DUSP29: variants seen among roughly 807,000 people sequenced by gnomAD.
The protein encoded by DUSP29 is dual specificity phosphatase 29, also known as atypical dual-specific protein phosphatase.
Under a neutral mutation model 13.5 loss-of-function variants are expected in DUSP29, and 12 were observed. That is an observed-to-expected ratio of 0.89 (90% CI 0.57 to 1.44). DUSP29 has a LOEUF of 1.44. Ranked by LOEUF, DUSP29 falls within the 40% of genes most tolerant of loss-of-function variation. DUSP29 has a pLI of 0.00. For missense variants in DUSP29, 308 were observed against 301.1 expected (o/e 1.02, Z -0.17); for synonymous variants, 134 against 128.7 (o/e 1.04, Z -0.28).
At position 75,037,830 on chromosome 10, in the gene DUSP29, T is replaced by C; in HGVS notation, c.*6A>G. On this transcript the variant is annotated 3_prime_UTR_variant, in exon 4 of 4. Coordinates refer to ENST00000338487, the MANE Select transcript of DUSP29 (RefSeq NM_001003892.3). Reference sequence around the variant, plus strand: ...CAAGTGCCTCTGCTGGCCCTGTGAGTCGGGCCTACAGCTCCCTGCCATCCT... The same window carrying C: ...CAAGTGCCTCTGCTGGCCCTGTGAGCCGGGCCTACAGCTCCCTGCCATCCT... 1 of 1,596,376 alleles carries C rather than the reference T, an allele frequency of 6.3e-7. No individual in the cohort carries two copies. The highest frequency in any genetic ancestry group is 1.1e-5 in the South Asian group (1 of 90,398).
intron 2 of DUSP29, among the ~76,000 whole-genome samples, chr10:75,055,801 A>T (rs998691239): frequency 6.6e-6 from 1 of 152,156 alleles, no homozygotes; most frequent in African/African-American, 2.4e-5. Flanking sequence ...GTTTCTGTAC[A>T]CCCCTCTCCT....
intron 1 of DUSP29, among the ~76,000 whole-genome samples, chr10:75,069,267 G>T (rs2134308488): frequency 6.6e-6 from 1 of 152,336 alleles, no homozygotes; most frequent in African/African-American, 2.4e-5. Context: ...TCTCAGACAA[G>T]GGAGCCGGCC....
At chr10:75,062,097 T>C (rs1847100637) in intron 1 of DUSP29, among the ~76,000 whole-genome samples, 1 of 151,814 alleles carries the variant, frequency 6.6e-6, no homozygotes, top group Non-Finnish European at 1.5e-5. Context: ...TTTTAAGGAG[T>C]GGCCAGAAAT....
chr10:75,056,310 C>T (rs1387956245), intron 2 of DUSP29, among the ~76,000 whole-genome samples: 1 of 151,826 alleles, frequency 6.6e-6, no homozygotes, highest in African/African-American at 2.4e-5. Flanking sequence ...GGTGGATCAC[C>T]TGAGTTCAGG....
At chr10:75,067,358 A>G (rs1204235288) in intron 1 of DUSP29, among the ~76,000 whole-genome samples, 1 of 152,146 alleles carries the variant, frequency 6.6e-6, no homozygotes, top group African/African-American at 2.4e-5. Context: ...TCCACCTCGG[A>G]GTAGGGGGGA....
At chr10:75,065,350 G>A (rs1847173750) in intron 1 of DUSP29, among the ~76,000 whole-genome samples, 1 of 151,954 alleles carries the variant, frequency 6.6e-6, no homozygotes, top group African/African-American at 2.4e-5. Flanking sequence ...CATGTGTCAG[G>A]AAAGAAGGCT....
At chr10:75,061,505 G>A (rs979512156) in intron 1 of DUSP29, among the ~76,000 whole-genome samples, 9 of 152,142 alleles carry the variant, frequency 5.9e-5, no homozygotes, top group South Asian at 2.1e-4. Context: ...ACAGATATCC[G>A]GGCTGCACCC....
intron 2 of DUSP29, among the ~76,000 whole-genome samples, chr10:75,051,369 A>T (rs1220745370): frequency 6.6e-6 from 1 of 152,208 alleles, no homozygotes; most frequent in Non-Finnish European, 1.5e-5. Context: ...AACGCATAGA[A>T]TCCACATAGG....
chr10:75,057,581 A>C (rs1230127718), intron 2 of DUSP29, among the ~76,000 whole-genome samples: 3 of 152,212 alleles, frequency 2.0e-5, no homozygotes, highest in Non-Finnish European at 4.4e-5. Flanking sequence ...GAGATCATGC[A>C]TGCAGGATGC....
At chr10:75,071,621 G>A (rs1030529984) in intron 1 of DUSP29, among the ~76,000 whole-genome samples, 2 of 152,186 alleles carry the variant, frequency 1.3e-5, no homozygotes, top group African/African-American at 2.4e-5. Context: ...CACCCTCAGC[G>A]CAGATCTGCC....
intron 2 of DUSP29, among the ~76,000 whole-genome samples, chr10:75,047,147 G>A (rs1410529332): frequency 6.6e-6 from 1 of 152,174 alleles, no homozygotes; most frequent in Non-Finnish European, 1.5e-5. Flanking sequence ...GGGTATTTGA[G>A]GCCCACCACA....
At chr10:75,040,305 T>C (rs1323687186) in intron 3 of DUSP29, among the ~76,000 whole-genome samples, 2 of 152,236 alleles carry the variant, frequency 1.3e-5, no homozygotes, top group South Asian at 2.1e-4. Context: ...ATCCATAATA[T>C]ATTTTAAGAT....
chr10:75,067,212 G>A (rs1047249314), intron 1 of DUSP29, among the ~76,000 whole-genome samples: 2 of 151,932 alleles, frequency 1.3e-5, no homozygotes, highest in African/African-American at 2.4e-5. Context: ...CTCCTGTCTC[G>A]GCCTTCCAGA....
chr10:75,057,977 C>T (rs958874954), intron 2 of DUSP29, among the ~76,000 whole-genome samples: 63 of 152,110 alleles, frequency 4.1e-4, no homozygotes, highest in Non-Finnish European at 8.2e-4. Flanking sequence ...GGGGTCCTGG[C>T]GGCAATCTGG....
chr10:75,066,407 T>C lies in DUSP29; in HGVS notation c.-35+7162A>G, dbSNP rs74783387. On this transcript the variant is annotated intron_variant, in intron 1 of 3. Coordinates refer to ENST00000338487, the MANE Select transcript of DUSP29 (RefSeq NM_001003892.3). ...TCCAAGAAATCAAAGGGAAAGAGGC[T>C]GGCGCTGGCAGAGAGAGAAAGCAGA... 2.5e-3 allele frequency among the ~76,000 whole-genome samples: 380 copies of C among 152,178 alleles called. 18 individuals are homozygous for C. In the East Asian group the frequency reaches 0.053, roughly 21 times the overall value.
At chr10:75,055,206 G>A (rs1299277087) in intron 2 of DUSP29, among the ~76,000 whole-genome samples, 1 of 151,682 alleles carries the variant, frequency 6.6e-6, no homozygotes, top group African/African-American at 2.4e-5. Flanking sequence ...AAAGACTAGA[G>A]ATGTCAGTCC....
chr10:75,065,862 C>CTAT (rs927702554), intron 1 of DUSP29, among the ~76,000 whole-genome samples: 4 of 151,514 alleles, frequency 2.6e-5, no homozygotes, highest in East Asian at 3.9e-4. Context: ...AGCTAATTTA[C>CTAT]TATTATTATT....
intron 3 of DUSP29, among the ~76,000 whole-genome samples, chr10:75,041,749 T>C (rs1345050651): frequency 3.3e-5 from 5 of 152,300 alleles, no homozygotes; most frequent in Admixed American, 2.0e-4. Context: ...ATCCCACTCA[T>C]AGTCTCTGAT....
chr10:75,072,404 G>A (rs904650972), intron 1 of DUSP29, among the ~76,000 whole-genome samples: 2 of 152,024 alleles, frequency 1.3e-5, no homozygotes, highest in African/African-American at 2.4e-5. Context: ...CACCCCCGTC[G>A]CATGCCCTGT....
Sources: allele counts gnomAD v4.1 joint callset (sites outside exome capture counted in the v4.1 genomes callset), GRCh38; gene constraint gnomAD v4.1.1; transcripts MANE v1.5; gene names NCBI Gene and HGNC (gene_info 2026-07-23, HGNC 2026-07-21).